Variants in SLC47A1 observed in about 807,000 individuals in gnomAD.
SLC47A1 encodes the protein multidrug and toxin extrusion protein 1.
Under a neutral mutation model 65.8 loss-of-function variants are expected in SLC47A1, and 58 were observed. The observed-to-expected ratio is 0.88, with a 90% CI of 0.71 to 1.10. The LOEUF (loss-of-function observed/expected upper bound fraction) is 1.10. SLC47A1 is among the 50% of genes least tolerant of loss of function. The pLI, the probability that SLC47A1 is intolerant of heterozygous loss-of-function variation, is 0.00. For synonymous variants in SLC47A1, 285 were observed against 295.0 expected (o/e 0.97, Z 0.35); for missense variants, 706 against 719.2 (o/e 0.98, Z 0.21).
intron 1 of SLC47A1, chr17:19,534,289 G>C (rs1915930368): frequency 1.9e-6 from 1 of 536,362 alleles, no homozygotes; most frequent in Non-Finnish European, 3.0e-6. Flanking sequence ...TGGGGGCCCC[G>C]CGGGGCACTG....
At position 19,551,437 on chromosome 17, in the gene SLC47A1, A is replaced by G. The variant is rs1916445715; in HGVS notation, c.512A>G (p.Tyr171Cys). Residue 171 changes from tyrosine to cysteine, a missense_variant, in exon 6 of 17, where the codon TAT becomes TGT. Coordinates refer to ENST00000270570, the MANE Select transcript of SLC47A1 (RefSeq NM_018242.3). ...GTTCTCTTGTAGGCAACCTTTCTTT[A>G]TATGTTACAAGTTAAATATTTGCTC... ...FIPALPATFL[Y>C]MLQVKYLLNQ... 6.2e-7 allele frequency: 1 copy of G among 1,609,160 alleles called. No homozygotes were observed. Among genetic ancestry groups the G allele is most frequent in the Non-Finnish European group, 8.5e-7 (1 of 1,175,496 alleles).
chr17:19,558,053 G>A (rs1916670728), intron 10 of SLC47A1: 1 of 202,644 alleles, frequency 4.9e-6, no homozygotes, highest in African/African-American at 2.3e-5. Flanking sequence ...AGGTTCACCA[G>A]TTTTGTCACA....
intron 10 of SLC47A1, among the ~76,000 whole-genome samples, chr17:19,558,116 C>T (rs954354513): frequency 6.6e-6 from 1 of 152,186 alleles, no homozygotes; most frequent in Non-Finnish European, 1.5e-5. Flanking sequence ...TATATCAATA[C>T]AGTCAATTCA....
chr17:19,537,944 T>C (rs1398252369), intron 1 of SLC47A1, among the ~76,000 whole-genome samples: 1 of 152,192 alleles, frequency 6.6e-6, no homozygotes, highest in African/African-American at 2.4e-5. Context: ...CCCCACTTCA[T>C]TTCCCCCAGA....
At chr17:19,568,684 G>C (rs1004290585) in intron 14 of SLC47A1, among the ~76,000 whole-genome samples, 1 of 152,096 alleles carries the variant, frequency 6.6e-6, no homozygotes, top group Admixed American at 6.5e-5. Context: ...AATTTACTTA[G>C]TTAATTCAAA....
At chr17:19,556,447 A>C (rs1916614611) in intron 10 of SLC47A1, among the ~76,000 whole-genome samples, 1 of 152,142 alleles carries the variant, frequency 6.6e-6, no homozygotes, top group African/African-American at 2.4e-5. Flanking sequence ...CATAAACATC[A>C]AGCTGCCTGT....
chr17:19,538,873 T>C (rs1916064989), intron 1 of SLC47A1, among the ~76,000 whole-genome samples: 1 of 152,140 alleles, frequency 6.6e-6, no homozygotes, highest in African/African-American at 2.4e-5. Context: ...GTTTGCTTAT[T>C]GTTGTCTGGC....
At chr17:19,574,219 G>C (rs1400486926) in intron 16 of SLC47A1, among the ~76,000 whole-genome samples, 1 of 152,072 alleles carries the variant, frequency 6.6e-6, no homozygotes, top group Non-Finnish European at 1.5e-5. Context: ...CACCACACCT[G>C]GACTGGTTCA....
At chr17:19,547,221 T>G (rs573516103) in intron 3 of SLC47A1, among the ~76,000 whole-genome samples, 11 of 152,232 alleles carry the variant, frequency 7.2e-5, no homozygotes, top group African/African-American at 2.6e-4. Flanking sequence ...CCAGCTAATT[T>G]TTTGTAGAGA....
chr17:19,548,950 T>G (rs1006918834), intron 4 of SLC47A1, among the ~76,000 whole-genome samples: 1 of 152,148 alleles, frequency 6.6e-6, no homozygotes, highest in Non-Finnish European at 1.5e-5. Flanking sequence ...CAGGAGACGT[T>G]TGACAATGTC....
At chr17:19,568,643 C>T (rs554240640) in intron 14 of SLC47A1, among the ~76,000 whole-genome samples, 40 of 152,224 alleles carry the variant, frequency 2.6e-4, no homozygotes, top group African/African-American at 9.1e-4. Context: ...ACATACTTAT[C>T]ACCACTTATT....
chr17:19,573,527 CTTTT>C (rs34229068), intron 16 of SLC47A1, among the ~76,000 whole-genome samples: 138 of 147,686 alleles, frequency 9.3e-4, no homozygotes, highest in South Asian at 3.2e-3. Flanking sequence ...TAAAGAAAAA[CTTTT>C]TTTTTTTTAA....
intron 10 of SLC47A1, among the ~76,000 whole-genome samples, chr17:19,559,765 G>A (rs1301523730): frequency 2.0e-5 from 3 of 151,734 alleles, no homozygotes; most frequent in East Asian, 1.9e-4. Context: ...ACTCCTGACC[G>A]CAAGTGATCC....
intron 12 of SLC47A1, among the ~76,000 whole-genome samples, chr17:19,561,393 C>G (rs2152315555): frequency 6.6e-6 from 1 of 152,064 alleles, no homozygotes; most frequent in South Asian, 2.1e-4. Context: ...CCTGTAATCC[C>G]AGCACTTTGG....
chr17:19,578,615 G>A lies in SLC47A1; in HGVS notation c.*1062G>A, dbSNP rs1352918655. ...CCTCAGTACATACTAAGTATGCTCA[G>A]TGCTGTGAAAGTGGATTACACCAAA... On this transcript the variant is annotated 3_prime_UTR_variant, in exon 17 of 17. Coordinates refer to ENST00000270570, the MANE Select transcript of SLC47A1 (RefSeq NM_018242.3). 6.6e-6 allele frequency: 1 copy of A among 152,444 alleles called. No homozygotes were observed. Among genetic ancestry groups the A allele is most frequent in the Non-Finnish European group, 1.5e-5 (1 of 68,220 alleles). The allele number at this position is 152,444 out of a possible 1,614,324, so 9.4% of individuals were successfully genotyped here. A position where few individuals can be genotyped will look rare whatever the true frequency, so the allele number is the denominator to read the frequency against.
chr17:19,545,360 A>G (rs1248770251), intron 2 of SLC47A1, among the ~76,000 whole-genome samples: 1 of 151,946 alleles, frequency 6.6e-6, no homozygotes, highest in African/African-American at 2.4e-5. Context: ...ATGCTGGGCT[A>G]ATTTTTGTAT....
intron 10 of SLC47A1, among the ~76,000 whole-genome samples, chr17:19,556,269 A>G (rs187554015): frequency 1.7e-3 from 256 of 152,330 alleles, no homozygotes; most frequent in African/African-American, 5.7e-3. Flanking sequence ...GAGAAACTGC[A>G]CATGATCTGC....
At chr17:19,550,933 C>A (rs1044452487) in intron 5 of SLC47A1, among the ~76,000 whole-genome samples, 1 of 152,304 alleles carries the variant, frequency 6.6e-6, no homozygotes, top group Admixed American at 6.5e-5. Flanking sequence ...TTAATCTCCC[C>A]TTGAGGACCT....
At position 19,555,295 on chromosome 17, in the gene SLC47A1, G is replaced by T; in HGVS notation, c.627G>T (p.Leu209=). 1.2e-6 allele frequency: 2 copies of T among 1,614,198 alleles called. No individual in the cohort carries two copies. Among genetic ancestry groups the T allele is most frequent in the Non-Finnish European group, 1.7e-6 (2 of 1,180,010 alleles). Residue 209 remains leucine, a synonymous_variant, in exon 7 of 17, where the codon CTG becomes CTT. Transcript: ENST00000270570. The part of the protein sequence containing the change: ...ALANYLFLHQ[L]HLGVIGSALA... Reference sequence around the variant, plus strand: ...CCAACTATCTGTTTCTCCATCAACTGCATCTTGGGGTGATGTGAGTCCAAC... The same window carrying T: ...CCAACTATCTGTTTCTCCATCAACTTCATCTTGGGGTGATGTGAGTCCAAC...
Sources: gnomAD v4.1 joint callset for allele counts (sites outside exome capture counted in the v4.1 genomes callset) on GRCh38, gnomAD v4.1.1 for gene constraint, MANE v1.5 for transcripts, NCBI Gene and HGNC (gene_info 2026-07-23, HGNC 2026-07-21) for gene names.